The following XYLB variants were observed in gnomAD, a reference collection of about 807,000 sequenced individuals.
XYLB encodes the protein xylulose kinase.
XYLB carries 62 observed loss-of-function variants against 78.7 expected under a neutral mutation model. The ratio of observed to expected loss-of-function variants is 0.79; its 90% CI spans 0.64 to 0.97. The LOEUF is 0.97. XYLB is among the 50% of genes least tolerant of loss of function. XYLB has a pLI of 0.00. For synonymous variants in XYLB, 245 were observed against 247.4 expected, an observed-to-expected ratio of 0.99 and a Z score of 0.09; for missense variants, 687 against 676.8, an observed-to-expected ratio of 1.02 and a Z score of -0.17.
chr3:38,405,825 C>G (rs1466426415), intron 18 of XYLB, among the ~76,000 whole-genome samples: 2 of 152,238 alleles, frequency 1.3e-5, no homozygotes, highest in Non-Finnish European at 2.9e-5. Flanking sequence ...GGCAGCCAGG[C>G]TGGGGGAGGG....
chr3:38,363,349 A>G (rs1706078356), intron 4 of XYLB, among the ~76,000 whole-genome samples: 1 of 152,180 alleles, frequency 6.6e-6, no homozygotes, highest in African/African-American at 2.4e-5. Flanking sequence ...TTGCTTTTCT[A>G]TTTCCTGAAA....
intron 15 of XYLB, among the ~76,000 whole-genome samples, chr3:38,393,653 A>C (rs1707759910): frequency 6.6e-6 from 1 of 152,048 alleles, no homozygotes; most frequent in Non-Finnish European, 1.5e-5. Context: ...CGGCAGGGTT[A>C]ATTTCTTCTT....
At chr3:38,404,502 T>G (rs541510366) in intron 18 of XYLB, among the ~76,000 whole-genome samples, 2 of 152,328 alleles carry the variant, frequency 1.3e-5, no homozygotes, top group Non-Finnish European at 2.9e-5. Context: ...TAGGCCCCAG[T>G]TGCATAATCA....
intron 9 of XYLB, chr3:38,372,387 T>C (rs1162178580): frequency 1.0e-6 from 1 of 985,330 alleles, no homozygotes; most frequent in African/African-American, 1.7e-5. Flanking sequence ...TTGTTCTCTC[T>C]ATCTTAAATC....
In XYLB at chr3:38,395,602, C is replaced by T. The variant is rs765016666; in HGVS notation, c.1350+39C>T. ...GTGGGCCTTACACCATGGCCTCTCC[C>T]ATATCTGTTATGTCTAAGAGCCAGA... On this transcript the variant is annotated intron_variant, in intron 16 of 18. Transcript: ENST00000207870. 3 of 1,597,682 alleles carry T rather than the reference C, an allele frequency of 1.9e-6. No homozygotes were observed. The Admixed American group carries it at 5.0e-5, about 27-fold the overall frequency.
At chr3:38,363,049 G>C in intron 4 of XYLB, 32 bp downstream of exon 4, 4 of 1,495,042 alleles carry the variant, frequency 2.7e-6, no homozygotes, top group Non-Finnish European at 3.6e-6. Context: ...TCTGCCATGT[G>C]AGGGTGACTG....
intron 2 of XYLB, chr3:38,355,647 A>G: frequency 1.4e-6 from 1 of 690,974 alleles, no homozygotes; most frequent in Non-Finnish European, 2.6e-6. Flanking sequence ...AGCCAGTGGA[A>G]TATAAGAAAA....
chr3:38,447,865 TGAACAGATA>T, the XYLB span, among the ~76,000 whole-genome samples: 2 of 152,162 alleles, frequency 1.3e-5, no homozygotes, highest in South Asian at 4.1e-4. Flanking sequence ...CATCAACGGA[TGAACAGATA>T]AAGAAAATGT....
chr3:38,385,376 G>T (rs2125625368), intron 15 of XYLB, among the ~76,000 whole-genome samples: 1 of 152,044 alleles, frequency 6.6e-6, no homozygotes, highest in African/African-American at 2.4e-5. Context: ...CTAAAGGTTG[G>T]TATATTTTAT....
Position 38,365,752 on chromosome 3 carries a change from G to C in XYLB, c.507+16G>C, listed in dbSNP as rs201439129. The C allele has an allele frequency of 5.0e-6, 8 of 1,600,752 alleles. No homozygotes were observed. Among genetic ancestry groups the C allele is most frequent in the African/African-American group, 2.7e-5 (2 of 74,678 alleles). On this transcript the variant is annotated intron_variant, in intron 6 of 18. Coordinates refer to ENST00000207870, the MANE Select transcript of XYLB (RefSeq NM_005108.4). ...TGCCTATGAGGTAGGCTGAGGATGCGGGGGGTGCAGGGGGTGGTCTGGTTG... is the reference window on the plus strand; with the variant it reads ...TGCCTATGAGGTAGGCTGAGGATGCCGGGGGTGCAGGGGGTGGTCTGGTTG...
chr3:38,374,368 G>T, intron 10 of XYLB, 94 bp from the exon 11 acceptor site: 5 of 1,577,100 alleles, frequency 3.2e-6, no homozygotes, highest in Non-Finnish European at 4.3e-6. Flanking sequence ...GGGGTTGGAG[G>T]TGGGGGCTCT....
chr3:38,418,294 G>A (rs999185487), downstream of XYLB, among the ~76,000 whole-genome samples: 2 of 151,732 alleles, frequency 1.3e-5, no homozygotes, highest in East Asian at 3.9e-4. Flanking sequence ...AATGCTTACT[G>A]ACAAAAATCA....
At chr3:38,348,439 A>G in intron 1 of XYLB, 111 bp from the exon 2 acceptor site, 1 of 949,406 alleles carries the variant, frequency 1.1e-6, no homozygotes, top group Non-Finnish European at 1.7e-6. Context: ...GGAGGTCTCT[A>G]GGTTGAACTG....
At chr3:38,441,982 G>A in the XYLB span, among the ~76,000 whole-genome samples, 1 of 152,136 alleles carries the variant, frequency 6.6e-6, no homozygotes, top group African/African-American at 2.4e-5. Flanking sequence ...TCTGCTTCTG[G>A]TTCCCATTCT....
intron 3 of XYLB, among the ~76,000 whole-genome samples, chr3:38,360,961 G>C (rs540953506): frequency 6.6e-6 from 1 of 152,188 alleles, no homozygotes; most frequent in African/African-American, 2.4e-5. Flanking sequence ...CTTGAACTTG[G>C]GAGGTGGAGG....
At chr3:38,368,373 T>C (rs1706374339) in intron 8 of XYLB, 116 bp downstream of exon 8, 1 of 892,506 alleles carries the variant, frequency 1.1e-6, no homozygotes, top group South Asian at 1.4e-5. Flanking sequence ...CCCTGTCATC[T>C]GTTGCCAGGA....
chr3:38,355,800 T>A (rs2125558719), intron 2 of XYLB: 1 of 703,666 alleles, frequency 1.4e-6, no homozygotes, highest in East Asian at 2.7e-5. Flanking sequence ...GGTTCCTGAA[T>A]GACTGCATGG....
At chr3:38,399,627 G>A (rs992370652) in intron 17 of XYLB, among the ~76,000 whole-genome samples, 1 of 152,224 alleles carries the variant, frequency 6.6e-6, no homozygotes, top group Non-Finnish European at 1.5e-5. Flanking sequence ...CTGATGAGAA[G>A]TATGGGGTCT....
intron 2 of XYLB, among the ~76,000 whole-genome samples, chr3:38,359,076 G>T (rs558056297): frequency 9.1e-4 from 138 of 152,354 alleles, no homozygotes; most frequent in African/African-American, 3.1e-3. Flanking sequence ...TTAGAGCTGA[G>T]AGCCACAAAC....
Sources: allele counts gnomAD v4.1 joint callset (sites outside exome capture counted in the v4.1 genomes callset), GRCh38; gene constraint gnomAD v4.1.1; transcripts MANE v1.5; gene names NCBI Gene and HGNC (gene_info 2026-07-23, HGNC 2026-07-21).